The following FYB1 variants were observed in gnomAD, a reference collection of about 807,000 sequenced individuals.
FYB1 encodes the protein FYN binding protein 1, also known as FYN-binding protein 1.
FYB1 carries 41 observed loss-of-function variants against 94.1 expected under a neutral mutation model. The ratio of observed to expected loss-of-function variants is 0.44; its 90% CI spans 0.34 to 0.57. The LOEUF is 0.57. Among genes scored for constraint, FYB1 ranks in the 20% least tolerant of loss-of-function variants. The pLI is 0.02. For synonymous variants in FYB1, 367 were observed against 353.2 expected, an observed-to-expected ratio of 1.04 and a Z score of -0.44; for missense variants, 1,050 against 976.8, an observed-to-expected ratio of 1.07 and a Z score of -1.00.
rs1200012362 is a variant in FYB1 at position 39,210,469 on chromosome 5, A to G, written c.-27-7482T>C. ...GAAGCAAGATAGCCTAGCAAGTAGT[A>G]AAGCTTTGATGGTGATGGTCCACCT... On this transcript the variant is annotated intron_variant, in intron 1 of 18. Transcript: ENST00000512982. Among the ~76,000 whole-genome samples the G allele has an allele frequency of 2.6e-5, 4 of 152,192 alleles. No homozygotes were observed. In the East Asian group the frequency reaches 7.7e-4, roughly 29 times the overall value.
rs1760355515 is a variant in FYB1, at chr5:39,106,041, A to G, written c.*1402T>C. 2.0e-5 allele frequency: 3 copies of G among 152,190 alleles called. No homozygotes were observed. The highest frequency in any genetic ancestry group is 2.0e-4 in the Admixed American group (3 of 15,280). The allele number at this position is 152,190 out of a possible 1,614,324, so 9.4% of individuals were successfully genotyped here. A position where few individuals can be genotyped will look rare whatever the true frequency, so the allele number is the denominator to read the frequency against. ...TCAGAAACTCCAATGGGCCTTTGCA[A>G]TATTAAAATGTGGAGAATGCATTAA... On this transcript the variant is annotated 3_prime_UTR_variant, in exon 19 of 19. Transcript: ENST00000512982.
intron 1 of FYB1, among the ~76,000 whole-genome samples, chr5:39,244,295 T>C (rs1291774078): frequency 6.6e-6 from 1 of 152,180 alleles, no homozygotes; most frequent in Non-Finnish European, 1.5e-5. Context: ...AAATAGCCCG[T>C]ATTGTTTTGA....
At chr5:39,124,188 G>T in intron 13 of FYB1, 65 bp downstream of exon 13, 2 of 1,090,892 alleles carry the variant, frequency 1.8e-6, no homozygotes, top group Non-Finnish European at 2.7e-6. Flanking sequence ...TATATCCAGA[G>T]CTTTCCCACT....
intron 2 of FYB1, among the ~76,000 whole-genome samples, chr5:39,191,092 C>A (rs977132559): frequency 1.3e-5 from 2 of 152,136 alleles, no homozygotes; most frequent in African/African-American, 4.8e-5. Context: ...ATAAGAAAAA[C>A]AAATACTCAA....
Position 39,247,034 on chromosome 5 carries a change from G to C in FYB1, c.-28+27369C>G, listed in dbSNP as rs980016401. Among the ~76,000 whole-genome samples the C allele has an allele frequency of 4.4e-5, 6 of 136,032 alleles. No homozygotes were observed. In the South Asian group the frequency reaches 1.2e-3, roughly 26 times the overall value. The allele number at this position is 136,032 out of a possible 152,430, so 89.2% of individuals were successfully genotyped here. A position where few individuals can be genotyped will look rare whatever the true frequency, so the allele number is the denominator to read the frequency against. On this transcript the variant is annotated intron_variant, in intron 1 of 1. Transcript: ENST00000510188. ...GTAGGATTATGTTAATATGTGTAAAGCCCATAAGATAATGGTGCACACACA... is the reference window on the plus strand; with the variant it reads ...GTAGGATTATGTTAATATGTGTAAACCCCATAAGATAATGGTGCACACACA...
chr5:39,214,864 G>C (rs1027353575), intron 1 of FYB1, among the ~76,000 whole-genome samples: 2 of 152,188 alleles, frequency 1.3e-5, no homozygotes, highest in African/African-American at 4.8e-5. Flanking sequence ...GGGAGGCGGA[G>C]GTTGCAGTGA....
chr5:39,141,706 C>T lies in FYB1; in HGVS notation c.1293-565G>A, dbSNP rs144806693. On this transcript the variant is annotated intron_variant, in intron 3 of 18. Coordinates refer to ENST00000512982, the MANE Select transcript of FYB1 (RefSeq NM_001465.6). ...ATAAAAGTCACAATTACTTTTGCAC[C>T]GACCTAATACAAAAAATTAGCCTGG... Among the ~76,000 whole-genome samples the T allele has an allele frequency of 7.9e-3, 1,205 of 151,814 alleles. 15 individuals carry two copies. The highest frequency in any genetic ancestry group is 0.012 in the Non-Finnish European group (822 of 67,912).
chr5:39,194,470 C>A (rs888845758), intron 2 of FYB1, among the ~76,000 whole-genome samples: 1 of 151,932 alleles, frequency 6.6e-6, no homozygotes, highest in Non-Finnish European at 1.5e-5. Context: ...CTGCAGTGAG[C>A]TGTGATTGTG....
In FYB1 at chr5:39,202,619, G is replaced by A; in HGVS notation, c.342C>T (p.Gly114=). Residue 114 remains glycine, a synonymous_variant, in exon 2 of 19, where the codon GGC becomes GGT. Coordinates refer to ENST00000512982, the MANE Select transcript of FYB1 (RefSeq NM_001465.6). ...CTTTGGGCAAGTTGATGGGCTTGGG[G>A]CCTACAGGTTTCAGAAATCCCACTT... ...EAKVGFLKPV[G]PKPINLPKED... 1 of 1,613,864 alleles carries A rather than the reference G, an allele frequency of 6.2e-7. No individual in the cohort carries two copies. The highest frequency in any genetic ancestry group is 8.5e-7 in the Non-Finnish European group (1 of 1,179,858).
At chr5:39,119,102 G>T (rs1240485566) in intron 15 of FYB1, 66 bp from the exon 16 acceptor site, 2 of 719,766 alleles carry the variant, frequency 2.8e-6, no homozygotes, top group Non-Finnish European at 4.1e-6. Flanking sequence ...CTTATTTATG[G>T]ATGGATTTAT....
chr5:39,233,887 C>G (rs779581909), intron 1 of FYB1, among the ~76,000 whole-genome samples: 1 of 152,074 alleles, frequency 6.6e-6, no homozygotes, highest in Non-Finnish European at 1.5e-5. Context: ...ATGAAAAAGA[C>G]AAGTTAACAT....
intron 2 of FYB1, among the ~76,000 whole-genome samples, chr5:39,189,183 C>T (rs1561236063): frequency 6.6e-6 from 1 of 150,376 alleles, no homozygotes; most frequent in Non-Finnish European, 1.5e-5. Context: ...AGGAAAGAAC[C>T]TGAAAGCTTT....
chr5:39,193,706 C>A (rs758184198), intron 2 of FYB1, among the ~76,000 whole-genome samples: 1 of 152,172 alleles, frequency 6.6e-6, no homozygotes, highest in Non-Finnish European at 1.5e-5. Flanking sequence ...GTCCTAAATA[C>A]CACAACAGGA....
In FYB1 at chr5:39,124,234, A is replaced by G. The variant is rs1437394840; in HGVS notation, c.2071+19T>C. 3 of 1,531,088 alleles carry G rather than the reference A, an allele frequency of 2.0e-6. No homozygotes were observed. The highest frequency in any genetic ancestry group is 2.0e-5 in the Admixed American group (1 of 49,412). The allele number at this position is 1,531,088 out of a possible 1,614,324, so 94.8% of individuals were successfully genotyped here. A position where few individuals can be genotyped will look rare whatever the true frequency, so the allele number is the denominator to read the frequency against. On this transcript the variant is annotated intron_variant, in intron 13 of 18. Coordinates refer to ENST00000512982, the MANE Select transcript of FYB1 (RefSeq NM_001465.6). ...AAGAAATGAAGATACAGAACATACAATCAGTTTTTATTACTTACCCAATTG... is the reference window on the plus strand; with the variant it reads ...AAGAAATGAAGATACAGAACATACAGTCAGTTTTTATTACTTACCCAATTG...
intron 1 of FYB1, among the ~76,000 whole-genome samples, chr5:39,255,651 CTT>C (rs1474426102): frequency 6.6e-6 from 1 of 152,172 alleles, no homozygotes; most frequent in Non-Finnish European, 1.5e-5. Flanking sequence ...AGAGGACAAA[CTT>C]TACCAAACCT....
At chr5:39,182,618 G>C (rs1370218320) in intron 2 of FYB1, among the ~76,000 whole-genome samples, 1 of 152,132 alleles carries the variant, frequency 6.6e-6, no homozygotes, top group Non-Finnish European at 1.5e-5. Context: ...TTCCTTGCTA[G>C]GTAGTTCATC....
rs1580367745 is a variant in FYB1, at chr5:39,140,966, T to C, written c.1339+129A>G. The stretch of plus-strand genomic sequence containing the variant: ...ATGAGGATAAGAGGGAATAAACAAA[T>C]AAAACGAGAGGGGCCTTGCACAGAC... On this transcript the variant is annotated intron_variant, in intron 4 of 18. Transcript: ENST00000512982. 2.6e-5 allele frequency: 17 copies of C among 655,818 alleles called. No homozygotes were observed. The East Asian group carries it at 4.8e-4, about 18-fold the overall frequency. 40.6% of individuals were successfully genotyped at this position (655,818 alleles called of 1,614,324 possible).
chr5:39,169,639 G>T (rs1745067974), intron 2 of FYB1: 3 of 444,576 alleles, frequency 6.7e-6, no homozygotes, highest in Admixed American at 5.4e-5. Context: ...GAGGTCAGGA[G>T]TTCGAGACCA....
At chr5:39,137,445 T>G (rs1051720670) in intron 7 of FYB1, 155 bp downstream of exon 7, 2 of 782,772 alleles carry the variant, frequency 2.6e-6, no homozygotes, top group Non-Finnish European at 3.8e-6. Flanking sequence ...AAATGGTGTA[T>G]TGGACAAAAA....
Sources: gnomAD v4.1 joint callset for allele counts (sites outside exome capture counted in the v4.1 genomes callset) on GRCh38, gnomAD v4.1.1 for gene constraint, MANE v1.5 for transcripts, NCBI Gene and HGNC (gene_info 2026-07-23, HGNC 2026-07-21) for gene names.